PPP3CA: variants seen among roughly 807,000 people sequenced by gnomAD.
PPP3CA encodes the protein CAM-PRP catalytic subunit.
A neutral mutation model predicts 66.5 loss-of-function variants in PPP3CA; 14 were observed. The ratio of observed to expected loss-of-function variants is 0.21; its 90% CI spans 0.14 to 0.33. The LOEUF is 0.33. Among genes scored for constraint, PPP3CA ranks in the 10% least tolerant of loss-of-function variants. The probability of loss-of-function intolerance (pLI) is 1.00; values close to 1 mark genes in which losing one functional copy is unlikely to be tolerated. For missense variants in PPP3CA, 317 were observed against 639.5 expected (o/e 0.50, Z 5.44); for synonymous variants, 232 against 226.2 (o/e 1.03, Z -0.23).
intron 1 of PPP3CA, among the ~76,000 whole-genome samples, chr4:101,252,099 A>G (rs973886512): frequency 2.0e-5 from 3 of 152,192 alleles, no homozygotes; most frequent in Admixed American, 6.5e-5. Context: ...AGTAAATACT[A>G]TTATCTCCAA....
chr4:101,177,861 A>G (rs965543082), intron 2 of PPP3CA, among the ~76,000 whole-genome samples: 14 of 152,000 alleles, frequency 9.2e-5, no homozygotes, highest in African/African-American at 3.4e-4. Context: ...TATAACAATG[A>G]CTATCATTAT....
intron 1 of PPP3CA, among the ~76,000 whole-genome samples, chr4:101,312,791 T>C (rs180818441): frequency 3.3e-5 from 5 of 152,144 alleles, no homozygotes; most frequent in African/African-American, 9.6e-5. Flanking sequence ...TAAAAGACAG[T>C]CAAAACACAA....
intron 8 of PPP3CA, among the ~76,000 whole-genome samples, chr4:101,076,261 C>T (rs960573886): frequency 1.4e-5 from 2 of 144,772 alleles, no homozygotes; most frequent in African/African-American, 5.1e-5. Context: ...ATCTGTGGGT[C>T]AATATTGATA....
chr4:101,044,766 C>T, intron 10 of PPP3CA, among the ~76,000 whole-genome samples: 1 of 152,100 alleles, frequency 6.6e-6, no homozygotes, highest in Non-Finnish European at 1.5e-5. Context: ...AGTACACAGA[C>T]CAAGGGGATC....
chr4:101,048,114 T>C (rs1371368405), intron 10 of PPP3CA, among the ~76,000 whole-genome samples: 1 of 152,110 alleles, frequency 6.6e-6, no homozygotes, highest in Non-Finnish European at 1.5e-5. Flanking sequence ...GAAATGTTCA[T>C]AGTGACTATG....
chr4:101,102,694 T>A (rs1284099921), intron 3 of PPP3CA, among the ~76,000 whole-genome samples: 1 of 152,034 alleles, frequency 6.6e-6, no homozygotes, highest in East Asian at 1.9e-4. Flanking sequence ...GATAGTTTTT[T>A]AAAAAAGGGA....
intron 1 of PPP3CA, among the ~76,000 whole-genome samples, chr4:101,201,722 C>G (rs567121693): frequency 1.3e-5 from 2 of 152,356 alleles, no homozygotes; most frequent in South Asian, 4.1e-4. Context: ...TATGTCAGCA[C>G]ATGTTAAGAG....
chr4:101,068,294 T>G (rs1345157322), intron 8 of PPP3CA, among the ~76,000 whole-genome samples: 1 of 152,140 alleles, frequency 6.6e-6, no homozygotes, highest in Non-Finnish European at 1.5e-5. Flanking sequence ...TCCTTCCAAT[T>G]CTTCCACCCG....
intron 2 of PPP3CA, among the ~76,000 whole-genome samples, chr4:101,173,403 CT>C (rs983356087): frequency 6.6e-6 from 1 of 150,398 alleles, no homozygotes; most frequent in South Asian, 2.1e-4. Context: ...CTTTAGAGGG[CT>C]TTTTTTTTCA....
chr4:101,144,475 G>A (rs1043392083), intron 2 of PPP3CA, among the ~76,000 whole-genome samples: 5 of 152,016 alleles, frequency 3.3e-5, no homozygotes, highest in Non-Finnish European at 5.9e-5. Context: ...TTTTGGTCTC[G>A]GTAAGCTGCT....
At chr4:101,123,316 T>C (rs1217382705) in intron 2 of PPP3CA, among the ~76,000 whole-genome samples, 1 of 152,176 alleles carries the variant, frequency 6.6e-6, no homozygotes, top group Non-Finnish European at 1.5e-5. Context: ...CATGGTGGAC[T>C]CATTCATCAT....
At position 101,109,085 on chromosome 4, in the gene PPP3CA, G is replaced by C. The variant is rs2110263533; in HGVS notation, c.260-7C>G. The C allele has an allele frequency of 6.2e-7, 1 of 1,611,466 alleles. No homozygotes were observed. Among genetic ancestry groups the C allele is most frequent in the South Asian group, 1.1e-5 (1 of 90,904 alleles). On this transcript the variant is annotated splice_region_variant and splice_polypyrimidine_tract_variant and intron_variant, in intron 2 of 13. Transcript: ENST00000394854. ...CCATGAATGTCCCCACAAACTGAAA[G>C]AAACAAAATTCATTTTATGGTCATA...
At chr4:101,113,372 G>A (rs1023174519) in intron 2 of PPP3CA, among the ~76,000 whole-genome samples, 1 of 152,100 alleles carries the variant, frequency 6.6e-6, no homozygotes. Flanking sequence ...CCTTCATTCT[G>A]TGTACTAGTA....
At chr4:101,338,413 A>G (rs1272465957) in intron 1 of PPP3CA, among the ~76,000 whole-genome samples, 1 of 152,142 alleles carries the variant, frequency 6.6e-6, no homozygotes, top group African/African-American at 2.4e-5. Context: ...ACATAAAGGA[A>G]CCCCATAATT....
At chr4:101,274,489 G>A (rs565280394) in intron 1 of PPP3CA, among the ~76,000 whole-genome samples, 21 of 152,182 alleles carry the variant, frequency 1.4e-4, no homozygotes, top group African/African-American at 4.8e-4. Flanking sequence ...AAAGATCTGT[G>A]AATTATTTAG....
At chr4:101,256,867 A>G (rs1217832182) in intron 1 of PPP3CA, among the ~76,000 whole-genome samples, 1 of 152,026 alleles carries the variant, frequency 6.6e-6, no homozygotes, top group Non-Finnish European at 1.5e-5. Context: ...AAAGCACTGA[A>G]CTAGATAGTT....
intron 12 of PPP3CA, among the ~76,000 whole-genome samples, chr4:101,031,679 C>T (rs1156414490): frequency 6.6e-6 from 1 of 152,150 alleles, no homozygotes; most frequent in Non-Finnish European, 1.5e-5. Context: ...GAAAGCTACA[C>T]ATTTTAACAC....
chr4:101,026,272 A>G (rs1223095664), intron 13 of PPP3CA, among the ~76,000 whole-genome samples: 1 of 152,190 alleles, frequency 6.6e-6, no homozygotes, highest in South Asian at 2.1e-4. Flanking sequence ...TCTCTTGCCA[A>G]CCAAAATGTC....
At chr4:101,033,309 CACACACACACACACACACACAGGG>C (rs1727093303) in intron 11 of PPP3CA, among the ~76,000 whole-genome samples, 1 of 132,090 alleles carries the variant, frequency 7.6e-6, no homozygotes, top group African/African-American at 4.2e-5. Context: ...CACACACACA[CACACACACACACACACACACAGGG>C]AGAGAGTTTA....
Sources: allele counts gnomAD v4.1 joint callset (sites outside exome capture counted in the v4.1 genomes callset), GRCh38; gene constraint gnomAD v4.1.1; transcripts MANE v1.5; gene names NCBI Gene and HGNC (gene_info 2026-07-23, HGNC 2026-07-21).